ZRANB3: variants seen among roughly 807,000 people sequenced by gnomAD.
The protein encoded by ZRANB3 is zinc finger RANBP2-type containing 3.
ZRANB3 carries 125 observed loss-of-function variants against 133.8 expected under a neutral mutation model. The observed-to-expected ratio is 0.93, with a 90% confidence interval of 0.81 to 1.08. The LOEUF is 1.08. Ranked by LOEUF, ZRANB3 falls within the 50% of genes least tolerant of loss-of-function variation. The probability of loss-of-function intolerance (pLI) is 0.00; values close to 1 mark genes in which losing one functional copy is unlikely to be tolerated. For synonymous variants in ZRANB3, 387 were observed against 432.7 expected, an observed-to-expected ratio of 0.89 and a Z score of 1.31; for missense variants, 1,229 against 1,275.5, an observed-to-expected ratio of 0.96 and a Z score of 0.56.
At position 135,257,863 on chromosome 2, in the gene ZRANB3, G is replaced by GA. The variant is rs575716478; in HGVS notation, c.1539+7670dup. ...AGTTATGAGAACAGACCTTGAAGCA[G>GA]AAAGGCCTGGCACTTTCTGCCCCAG... On this transcript the variant is annotated intron_variant, in intron 12 of 20. Coordinates refer to ENST00000264159, the MANE Select transcript of ZRANB3 (RefSeq NM_032143.4). Among the ~76,000 whole-genome samples the GA allele has an allele frequency of 1.9e-4, 29 of 152,348 alleles. No homozygotes were observed. In the South Asian group the frequency reaches 5.2e-3, roughly 27 times the overall value.
At chr2:135,457,043 C>A (rs2105012269) in intron 2 of ZRANB3, among the ~76,000 whole-genome samples, 1 of 152,280 alleles carries the variant, frequency 6.6e-6, no homozygotes, top group Middle Eastern at 3.4e-3. Context: ...CTATCTAATT[C>A]CAGGACATTT....
Position 135,404,781 on chromosome 2 carries a change from G to C in ZRANB3, c.162-13961C>G, listed in dbSNP as rs199597832. 3.6e-4 allele frequency among the ~76,000 whole-genome samples: 55 copies of C among 152,342 alleles called. 3 individuals carry two copies. In the East Asian group the frequency reaches 9.1e-3, roughly 25 times the overall value. ...GGCAGAAACTCTACAAGCCAGAAGA[G>C]AGTGGGGGCCAATATTCAACATTCT... On this transcript the variant is annotated intron_variant, in intron 2 of 20. Transcript: ENST00000264159.
At chr2:135,480,423 AGAC>A (rs1483360638) in intron 2 of ZRANB3, among the ~76,000 whole-genome samples, 5 of 152,176 alleles carry the variant, frequency 3.3e-5, no homozygotes, top group Non-Finnish European at 5.9e-5. Context: ...AAGGATTATA[AGAC>A]AACAAAAACA....
intron 1 of ZRANB3, among the ~76,000 whole-genome samples, chr2:135,529,505 TTTTG>T (rs1209975463): frequency 1.3e-5 from 2 of 151,992 alleles, no homozygotes; most frequent in Admixed American, 1.3e-4. Context: ...CGTTTTTTGT[TTTTG>T]TTTTTGTTTT....
rs181810621 is a variant in ZRANB3 at position 135,526,230 on chromosome 2, C to T, written c.-8+4897G>A. ...CCAGGCTGGAGTACAATGGCACTAT[C>T]TCGGCTCACCGCAACCTCCACCTCC... On this transcript the variant is annotated intron_variant, in intron 1 of 20. Transcript: ENST00000264159. Among the ~76,000 whole-genome samples, 3 of 137,834 alleles carry T rather than the reference C, an allele frequency of 2.2e-5. No individual in the cohort carries two copies. The East Asian group carries it at 6.7e-4, about 31-fold the overall frequency. 90.4% of individuals were successfully genotyped at this position (137,834 alleles called of 152,430 possible).
chr2:135,468,287 T>C (rs1268854948), intron 2 of ZRANB3, among the ~76,000 whole-genome samples: 2 of 152,222 alleles, frequency 1.3e-5, no homozygotes. Flanking sequence ...ATTATGTTCC[T>C]TTTACCTGAA....
At chr2:135,517,173 T>C (rs1693735180) in intron 1 of ZRANB3, among the ~76,000 whole-genome samples, 1 of 152,070 alleles carries the variant, frequency 6.6e-6, no homozygotes, top group African/African-American at 2.4e-5. Flanking sequence ...GCAATTCCTC[T>C]AACCTTTTTT....
intron 6 of ZRANB3, among the ~76,000 whole-genome samples, chr2:135,323,844 T>G (rs931040895): frequency 6.6e-6 from 1 of 152,030 alleles, no homozygotes; most frequent in African/African-American, 2.4e-5. Context: ...CTCGGCTCAC[T>G]GCAACCTCTG....
intron 17 of ZRANB3, among the ~76,000 whole-genome samples, chr2:135,216,174 A>G (rs1221871902): frequency 6.6e-6 from 1 of 151,952 alleles, no homozygotes; most frequent in Non-Finnish European, 1.5e-5. Flanking sequence ...AATGTACCAT[A>G]TGCCATATGT....
intron 8 of ZRANB3, among the ~76,000 whole-genome samples, chr2:135,277,815 C>T (rs890656597): frequency 1.3e-5 from 2 of 151,516 alleles, no homozygotes; most frequent in African/African-American, 4.9e-5. Flanking sequence ...ATCCCAGCTA[C>T]TTGGGAGGCT....
intron 5 of ZRANB3, among the ~76,000 whole-genome samples, chr2:135,349,025 T>C (rs1385646217): frequency 1.3e-5 from 2 of 152,200 alleles, no homozygotes; most frequent in Admixed American, 1.3e-4. Flanking sequence ...GCTACAGCAC[T>C]GTCAGTGGGC....
chr2:135,266,268 T>C (rs1680242440), intron 11 of ZRANB3, among the ~76,000 whole-genome samples: 1 of 152,190 alleles, frequency 6.6e-6, no homozygotes, highest in Non-Finnish European at 1.5e-5. Context: ...AGACTCTTTG[T>C]AGCAACAAGA....
chr2:135,355,020 G>C (rs915298282), intron 3 of ZRANB3, among the ~76,000 whole-genome samples: 1 of 151,990 alleles, frequency 6.6e-6, no homozygotes, highest in Non-Finnish European at 1.5e-5. Context: ...AGAGAAAAAA[G>C]AAAAATGCAG....
intron 3 of ZRANB3, among the ~76,000 whole-genome samples, chr2:135,383,034 A>T (rs570231499): frequency 1.3e-5 from 2 of 152,338 alleles, no homozygotes; most frequent in African/African-American, 4.8e-5. Flanking sequence ...CAATTAAAAG[A>T]CACAGACAAA....
chr2:135,246,462 G>T (rs1047208819), intron 12 of ZRANB3, among the ~76,000 whole-genome samples: 1 of 152,110 alleles, frequency 6.6e-6, no homozygotes, highest in Admixed American at 6.6e-5. Flanking sequence ...TAAAGCATTT[G>T]GGAAAAACAT....
At chr2:135,334,692 G>C (rs915021852) in intron 6 of ZRANB3, among the ~76,000 whole-genome samples, 1 of 151,878 alleles carries the variant, frequency 6.6e-6, no homozygotes, top group South Asian at 2.1e-4. Context: ...TCAGGAGATC[G>C]AGACCATCCT....
chr2:135,364,243 AATCTT>A (rs1685826157), intron 3 of ZRANB3, among the ~76,000 whole-genome samples: 1 of 152,142 alleles, frequency 6.6e-6, no homozygotes, highest in Admixed American at 6.5e-5. Context: ...TTGGGAAAAA[AATCTT>A]AGCTTTGCCT....
chr2:135,350,792 T>C (rs1479198562), intron 4 of ZRANB3, among the ~76,000 whole-genome samples: 1 of 152,182 alleles, frequency 6.6e-6, no homozygotes, highest in African/African-American at 2.4e-5. Context: ...TTCCTGGACC[T>C]GAGATGATAA....
intron 17 of ZRANB3, among the ~76,000 whole-genome samples, chr2:135,213,657 C>A (rs1256994041): frequency 6.6e-6 from 1 of 152,160 alleles, no homozygotes; most frequent in East Asian, 1.9e-4. Flanking sequence ...TAACTTAATA[C>A]AGATCCTCAT....
Sources: allele counts gnomAD v4.1 joint callset (sites outside exome capture counted in the v4.1 genomes callset), GRCh38; gene constraint gnomAD v4.1.1; transcripts MANE v1.5; gene names NCBI Gene and HGNC (gene_info 2026-07-23, HGNC 2026-07-21).